The following STXBP6 variants were observed in gnomAD, a reference collection of about 807,000 sequenced individuals.
STXBP6 encodes the protein syntaxin binding protein 6, also known as syntaxin-binding protein 6.
Under a neutral mutation model 26.9 loss-of-function variants are expected in STXBP6, and 21 were observed. The ratio of observed to expected loss-of-function variants is 0.78; its 90% CI spans 0.55 to 1.12. The LOEUF (loss-of-function observed/expected upper bound fraction) is 1.12, where lower values mean the gene tolerates loss of function less well. Ranked by LOEUF, STXBP6 falls within the 50% of genes most tolerant of loss-of-function variation. The pLI, the probability that STXBP6 is intolerant of heterozygous loss-of-function variation, is 0.00. For synonymous variants in STXBP6, 97 were observed against 92.6 expected (o/e 1.05, Z -0.27); for missense variants, 232 against 257.9 (o/e 0.90, Z 0.69).
At chr14:24,941,112 A>T (rs931559766) in intron 2 of STXBP6, among the ~76,000 whole-genome samples, 3 of 152,218 alleles carry the variant, frequency 2.0e-5, no homozygotes, top group African/African-American at 7.2e-5. Flanking sequence ...TGAAAAATTC[A>T]TCTATAAAAT....
intron 1 of STXBP6, among the ~76,000 whole-genome samples, chr14:25,010,045 T>C (rs2074995314): frequency 6.6e-6 from 1 of 152,164 alleles, no homozygotes; most frequent in Admixed American, 6.5e-5. Context: ...AAAAGCACAC[T>C]TGGAGATTCG....
intron 2 of STXBP6, among the ~76,000 whole-genome samples, chr14:24,927,271 A>G (rs768232813): frequency 5.9e-5 from 9 of 151,812 alleles, no homozygotes; most frequent in Non-Finnish European, 1.0e-4. Flanking sequence ...TCCCTGGCTC[A>G]CTCTCCAGAG....
At chr14:24,922,949 T>G (rs1470123748) in intron 2 of STXBP6, among the ~76,000 whole-genome samples, 1 of 152,126 alleles carries the variant, frequency 6.6e-6, no homozygotes, top group Non-Finnish European at 1.5e-5. Context: ...TTAAGAAGGA[T>G]TCCTTCCTTT....
intron 2 of STXBP6, among the ~76,000 whole-genome samples, chr14:24,960,583 C>T (rs556991772): frequency 2.0e-5 from 3 of 152,224 alleles, no homozygotes; most frequent in East Asian, 3.9e-4. Context: ...TAGAGACTAG[C>T]TTTTTTGGCC....
At chr14:24,994,980 C>T (rs1042344440) in intron 1 of STXBP6, 1 of 147,770 alleles carries the variant, frequency 6.8e-6, no homozygotes, top group Admixed American at 7.0e-5. Flanking sequence ...CTGCACTACT[C>T]TAGCCTAGGT....
rs187451743 is a variant in STXBP6 at position 25,008,428 on chromosome 14, G to C, written c.-32-33578C>G. Among the ~76,000 whole-genome samples, 6 of 152,236 alleles carry C rather than the reference G, an allele frequency of 3.9e-5. No individual in the cohort carries two copies. In the East Asian group the frequency reaches 9.7e-4, roughly 25 times the overall value. On this transcript the variant is annotated intron_variant, in intron 1 of 5. Coordinates refer to ENST00000323944, the MANE Select transcript of STXBP6 (RefSeq NM_001394410.1). The stretch of plus-strand genomic sequence containing the variant: ...GAGCCCAAGAGGTCGAGGCTGTAGT[G>C]AGCCATGAGCACACCACTGCACTCC...
At chr14:25,032,922 T>C (rs1393142882) in intron 1 of STXBP6, among the ~76,000 whole-genome samples, 1 of 152,190 alleles carries the variant, frequency 6.6e-6, no homozygotes, top group East Asian at 1.9e-4. Context: ...TGAAATGCAT[T>C]GGGGGTTGTA....
chr14:24,883,262 T>G (rs1958354), intron 2 of STXBP6, among the ~76,000 whole-genome samples: 1 of 151,574 alleles, frequency 6.6e-6, no homozygotes, highest in East Asian at 1.9e-4. Flanking sequence ...TGTTTTTTTT[T>G]AAAAAATACA....
rs57240083 is a variant in STXBP6 at position 24,882,378 on chromosome 14, CAAAAAAAAAAAAAAAAAAAAA to C, written c.155-25242_155-25222del. ...TGGGCGACAGAGCGAGACTCCGTCT[CAAAAAAAAAAAAAAAAAAAAA>C]AAAAAAAAAAAAAAAGAGGGGCTTT... On this transcript the variant is annotated intron_variant, in intron 2 of 5. Transcript: ENST00000323944. 1.2e-3 allele frequency among the ~76,000 whole-genome samples: 31 copies of C among 26,830 alleles called. 1 individual carries two copies. The Admixed American group carries it at 0.016, about 14-fold the overall frequency. The allele number at this position is 26,830 out of a possible 152,430, so 17.6% of individuals were successfully genotyped here.
intron 2 of STXBP6, among the ~76,000 whole-genome samples, chr14:24,958,348 C>T (rs914600463): frequency 1.4e-4 from 21 of 152,130 alleles, no homozygotes; most frequent in Admixed American, 7.2e-4. Flanking sequence ...AATTTAAACT[C>T]ATTTCTGCAA....
intron 2 of STXBP6, among the ~76,000 whole-genome samples, chr14:24,860,448 CCT>C (rs1184224874): frequency 6.6e-6 from 1 of 152,116 alleles, no homozygotes; most frequent in Non-Finnish European, 1.5e-5. Flanking sequence ...AGAGGCAGAT[CCT>C]CTGTTTCAAG....
chr14:24,941,328 C>T (rs2072795504), intron 2 of STXBP6, among the ~76,000 whole-genome samples: 1 of 152,092 alleles, frequency 6.6e-6, no homozygotes, highest in African/African-American at 2.4e-5. Context: ...TGCATGAGGA[C>T]ACAATGGGAG....
intron 2 of STXBP6, among the ~76,000 whole-genome samples, chr14:24,908,518 C>T (rs1230060016): frequency 6.6e-6 from 1 of 152,206 alleles, no homozygotes; most frequent in African/African-American, 2.4e-5. Flanking sequence ...GGTCTGGGCC[C>T]ACTACCCCTT....
intron 1 of STXBP6, among the ~76,000 whole-genome samples, chr14:25,047,538 G>A (rs1466166838): frequency 6.6e-6 from 1 of 152,176 alleles, no homozygotes; most frequent in African/African-American, 2.4e-5. Context: ...AGCACCATTA[G>A]CATCATCTGG....
At chr14:24,914,153 T>C (rs191678524) in intron 2 of STXBP6, among the ~76,000 whole-genome samples, 2 of 152,318 alleles carry the variant, frequency 1.3e-5, no homozygotes, top group South Asian at 2.1e-4. Flanking sequence ...CCTTAATTCC[T>C]AGCAGCTGAG....
chr14:24,892,170 AG>A (rs2070811801), intron 2 of STXBP6, among the ~76,000 whole-genome samples: 1 of 151,974 alleles, frequency 6.6e-6, no homozygotes, highest in African/African-American at 2.4e-5. Context: ...TATGCAATGC[AG>A]ACAGTCAATA....
intron 2 of STXBP6, among the ~76,000 whole-genome samples, chr14:24,940,474 C>T (rs2072761804): frequency 1.3e-5 from 2 of 152,178 alleles, no homozygotes; most frequent in African/African-American, 4.8e-5. Context: ...TTCCCTTTAT[C>T]CTCAATCTGT....
chr14:24,893,365 G>A (rs2070862148), intron 2 of STXBP6, among the ~76,000 whole-genome samples: 3 of 152,144 alleles, frequency 2.0e-5, no homozygotes, highest in South Asian at 4.2e-4. Context: ...TACACATGGA[G>A]AAACCAAGGT....
chr14:24,823,237 C>T (rs2068190227), intron 4 of STXBP6, among the ~76,000 whole-genome samples: 2 of 151,888 alleles, frequency 1.3e-5, no homozygotes, highest in Admixed American at 1.3e-4. Context: ...ATTGAGAGAG[C>T]AACTGGAGAT....
Sources: gnomAD v4.1 joint callset for allele counts (sites outside exome capture counted in the v4.1 genomes callset) on GRCh38, gnomAD v4.1.1 for gene constraint, MANE v1.5 for transcripts, NCBI Gene and HGNC (gene_info 2026-07-23, HGNC 2026-07-21) for gene names.